STX5: variants seen among roughly 807,000 people sequenced by gnomAD.
STX5 encodes syntaxin 5, also known as syntaxin-5.
STX5 carries 15 observed loss-of-function variants against 42.9 expected under a neutral mutation model. The observed-to-expected ratio is 0.35, with a 90% CI of 0.23 to 0.54. The LOEUF is 0.54. Among genes scored for constraint, STX5 ranks in the 20% least tolerant of loss-of-function variants. The probability of loss-of-function intolerance (pLI) is 0.91; values close to 1 mark genes in which losing one functional copy is unlikely to be tolerated. For missense variants in STX5, 430 were observed against 455.0 expected, an observed-to-expected ratio of 0.95 and a Z score of 0.50; for synonymous variants, 184 against 173.2, an observed-to-expected ratio of 1.06 and a Z score of -0.49.
chr11:62,820,747 T>C (rs1245027756), intron 10 of STX5, among the ~76,000 whole-genome samples: 2 of 151,696 alleles, frequency 1.3e-5, no homozygotes, highest in East Asian at 2.0e-4. Context: ...CCTGACCTCA[T>C]GATCCGCCTG....
chr11:62,824,428 G>A lies in STX5; in HGVS notation c.786+31C>T, dbSNP rs751065702. ...GGGAACCACAGAGGATAATGGAGAA[G>A]CTGATTCTACCTAGTTCAGAGCCTG... On this transcript the variant is annotated intron_variant, in intron 9 of 10. Coordinates refer to ENST00000294179, the MANE Select transcript of STX5 (RefSeq NM_003164.5). The A allele has an allele frequency of 1.9e-6, 3 of 1,613,798 alleles. No individual in the cohort carries two copies. The Admixed American group carries it at 5.0e-5, about 27-fold the overall frequency.
At chr11:62,829,694 G>T (rs959618914) in intron 2 of STX5, among the ~76,000 whole-genome samples, 1 of 152,036 alleles carries the variant, frequency 6.6e-6, no homozygotes, top group Non-Finnish European at 1.5e-5. Flanking sequence ...AGCCCAGGAG[G>T]TCAGATGTTG....
At chr11:62,827,920 T>A (rs1278486474) in intron 2 of STX5, among the ~76,000 whole-genome samples, 2 of 151,716 alleles carry the variant, frequency 1.3e-5, no homozygotes, top group Non-Finnish European at 2.9e-5. Flanking sequence ...ACACATCTCC[T>A]ATTGTTGCTA....
intron 2 of STX5, among the ~76,000 whole-genome samples, chr11:62,829,206 C>G (rs2084828637): frequency 6.6e-6 from 1 of 152,006 alleles, no homozygotes; most frequent in South Asian, 2.1e-4. Context: ...GGGCAGAGCA[C>G]CTGAGGTCGG....
chr11:62,816,644 C>T (rs966523613), intron 10 of STX5, among the ~76,000 whole-genome samples: 4 of 151,046 alleles, frequency 2.6e-5, no homozygotes, highest in African/African-American at 9.7e-5. Context: ...TACTCCATTT[C>T]CTTTCTCCAT....
At chr11:62,823,703 G>A (rs1310292945) in intron 10 of STX5, among the ~76,000 whole-genome samples, 5 of 152,066 alleles carry the variant, frequency 3.3e-5, no homozygotes, top group African/African-American at 1.2e-4. Flanking sequence ...ATGCCACCAT[G>A]CCCAGCTAGT....
At chr11:62,824,885 C>A in intron 8 of STX5, 151 bp downstream of exon 8, 1 of 711,722 alleles carries the variant, frequency 1.4e-6, no homozygotes, top group South Asian at 1.8e-5. Flanking sequence ...GATCACGAAT[C>A]TCAACCATCT....
chr11:62,824,151 G>C lies in STX5; in HGVS notation c.908+15C>G, dbSNP rs1434399145. 2.5e-6 allele frequency: 4 copies of C among 1,614,086 alleles called. No homozygotes were observed. Among genetic ancestry groups the C allele is most frequent in the Admixed American group, 1.7e-5 (1 of 59,994 alleles). On this transcript the variant is annotated intron_variant, in intron 10 of 10. Transcript: ENST00000294179. ...GAGAAAGCTCCTCTGTTTGGGGCGA[G>C]AGAGTGTATCTCACCTCTGAATGGT... is the stretch of plus-strand genomic sequence containing the variant.
At position 62,807,517 on chromosome 11, in the gene STX5, G is replaced by C; in HGVS notation, c.1020C>G (p.Phe340Leu). Residue 340 changes from phenylalanine (F) to leucine (L), a missense_variant, in exon 11 of 11, where the codon TTC (phenylalanine) becomes TTG (leucine). Transcript: ENST00000294179. ...TSNRWLMVKIFLILIVFFIIF... is the reference protein window; with the variant it reads ...TSNRWLMVKILLILIVFFIIF... ...TGATGAAGAAGACAATGAGGATGAG[G>C]AAGATTTTGACCATGAGCCACCGGT... is the stretch of plus-strand genomic sequence containing the variant. 1 of 1,614,132 alleles carries C rather than the reference G, an allele frequency of 6.2e-7. No homozygotes were observed. The highest frequency in any genetic ancestry group is 1.1e-5 in the South Asian group (1 of 91,080).
At position 62,827,519 on chromosome 11, in the gene STX5, C is replaced by T. The variant is rs1210399853; in HGVS notation, c.296+42G>A. ...CACTGATTGCAAGTCTACTTTTCTTCAGACACTGTATCACCCCACCAGAAA... is the reference window on the plus strand; with the variant it reads ...CACTGATTGCAAGTCTACTTTTCTTTAGACACTGTATCACCCCACCAGAAA... On this transcript the variant is annotated intron_variant, in intron 3 of 10. Coordinates refer to ENST00000294179, the MANE Select transcript of STX5 (RefSeq NM_003164.5). 10 of 1,613,752 alleles carry T rather than the reference C, an allele frequency of 6.2e-6. No homozygotes were observed. In the South Asian group the frequency reaches 1.1e-4, roughly 18 times the overall value.
chr11:62,816,721 T>TG (rs1450010361), intron 10 of STX5, among the ~76,000 whole-genome samples: 3 of 99,262 alleles, frequency 3.0e-5, no homozygotes, highest in Non-Finnish European at 4.0e-5. Context: ...CCGCCTTTAC[T>TG]GAAAAAAAAA....
rs778404434 is a variant in STX5 at position 62,825,466 on chromosome 11, C to T, written c.497G>A (p.Arg166Gln). 3.7e-6 allele frequency: 6 copies of T among 1,613,924 alleles called. No individual in the cohort carries two copies. The highest frequency in any genetic ancestry group is 1.7e-4 in the Middle Eastern group (1 of 5,958). Reference sequence around the variant, plus strand: ...GGTGTTGGAGTGGGTCTGCAGGTGCCGGCCACTCTGGCTGCCCTTGGCTCT... The same window carrying T: ...GGTGTTGGAGTGGGTCTGCAGGTGCTGGCCACTCTGGCTGCCCTTGGCTCT... ...FVRAKGSQSG[R>Q]HLQTHSNTIV... Residue 166 changes from arginine (R) to glutamine (Q), a missense_variant, in exon 6 of 11, where the codon CGG (arginine) becomes CAG (glutamine). Physicochemically the swap from Arg to Gln is conservative, Grantham distance 43. Transcript: ENST00000294179.
intron 10 of STX5, among the ~76,000 whole-genome samples, chr11:62,815,296 A>G (rs759683514): frequency 3.9e-5 from 6 of 151,966 alleles, no homozygotes; most frequent in Non-Finnish European, 7.4e-5. Flanking sequence ...ATGAGCCACC[A>G]TGCCCAGCCA....
At chr11:62,828,300 A>G (rs2084817698) in intron 2 of STX5, among the ~76,000 whole-genome samples, 1 of 152,004 alleles carries the variant, frequency 6.6e-6, no homozygotes, top group Non-Finnish European at 1.5e-5. Context: ...TTTTGTAGAG[A>G]TAGGGTCTTG....
At chr11:62,815,815 G>A (rs1482156285) in intron 10 of STX5, among the ~76,000 whole-genome samples, 1 of 152,096 alleles carries the variant, frequency 6.6e-6, no homozygotes, top group Non-Finnish European at 1.5e-5. Flanking sequence ...AGGATTACAG[G>A]TGTGAGCCAC....
intron 10 of STX5, among the ~76,000 whole-genome samples, chr11:62,814,027 T>C (rs2084645833): frequency 1.3e-5 from 2 of 152,198 alleles, no homozygotes; most frequent in Admixed American, 1.3e-4. Flanking sequence ...CTCAGCCTTT[T>C]AAACCCTCTA....
chr11:62,825,394 G>C (rs1206219299), intron 6 of STX5, 29 bp downstream of exon 6: 1 of 1,614,054 alleles, frequency 6.2e-7, no homozygotes, highest in Non-Finnish European at 8.5e-7. Flanking sequence ...CTTCCTCTTT[G>C]CCTCCCTCCC....
intron 2 of STX5, among the ~76,000 whole-genome samples, chr11:62,828,276 G>C (rs1371357230): frequency 6.6e-6 from 1 of 151,812 alleles, no homozygotes. Context: ...ACCACACCTA[G>C]CTAATTTTTA....
chr11:62,811,801 T>A (rs898802854), intron 10 of STX5, among the ~76,000 whole-genome samples: 18 of 151,952 alleles, frequency 1.2e-4, no homozygotes, highest in African/African-American at 3.4e-4. Context: ...CCCCTTCTCT[T>A]CTTGCCCTAT....
Sources: allele counts gnomAD v4.1 joint callset (sites outside exome capture counted in the v4.1 genomes callset), GRCh38; gene constraint gnomAD v4.1.1; transcripts MANE v1.5; gene names NCBI Gene and HGNC (gene_info 2026-07-23, HGNC 2026-07-21).